GRID1: variants seen among roughly 807,000 people sequenced by gnomAD.
GRID1 encodes glutamate ionotropic receptor delta type subunit 1, also known as glutamate receptor ionotropic, delta-1.
GRID1 carries 28 observed loss-of-function variants against 98.0 expected under a neutral mutation model. The observed-to-expected ratio is 0.29, with a 90% CI of 0.21 to 0.39. The LOEUF is 0.39. Ranked by LOEUF, GRID1 falls within the 10% of genes least tolerant of loss-of-function variation. GRID1 has a pLI of 1.00. For missense variants in GRID1, 1,111 were observed against 1,340.5 expected (o/e 0.83, Z 2.67); for synonymous variants, 553 against 538.5 (o/e 1.03, Z -0.37).
chr10:86,033,061 G>C (rs944394042), intron 4 of GRID1, among the ~76,000 whole-genome samples: 1 of 151,910 alleles, frequency 6.6e-6, no homozygotes, highest in Admixed American at 6.6e-5. Context: ...AGCTTTCCAA[G>C]ATTCAAACAG....
At chr10:85,705,532 A>G (rs978755026) in intron 12 of GRID1, among the ~76,000 whole-genome samples, 1 of 152,240 alleles carries the variant, frequency 6.6e-6, no homozygotes, top group African/African-American at 2.4e-5. Flanking sequence ...CACAGGTACA[A>G]GGAGGAGCTG....
intron 3 of GRID1, among the ~76,000 whole-genome samples, chr10:86,144,923 G>C (rs958620189): frequency 2.6e-5 from 4 of 152,084 alleles, no homozygotes; most frequent in African/African-American, 9.7e-5. Flanking sequence ...TCCCTTCTCA[G>C]GTTCAGCACT....
intron 3 of GRID1, among the ~76,000 whole-genome samples, chr10:86,172,997 A>G (rs1845517123): frequency 6.6e-6 from 1 of 152,208 alleles, no homozygotes; most frequent in African/African-American, 2.4e-5. Flanking sequence ...TCACATGTAT[A>G]CATTTCAATT....
chr10:86,298,895 C>T (rs533049726), intron 2 of GRID1, among the ~76,000 whole-genome samples: 2 of 152,318 alleles, frequency 1.3e-5, no homozygotes, highest in African/African-American at 4.8e-5. Flanking sequence ...GGATCCCTGG[C>T]CTGCAATTTT....
intron 2 of GRID1, among the ~76,000 whole-genome samples, chr10:86,214,747 T>C (rs1320308434): frequency 1.3e-5 from 2 of 152,192 alleles, no homozygotes. Flanking sequence ...CCCATGCCTA[T>C]AATCCCAGCT....
intron 4 of GRID1, among the ~76,000 whole-genome samples, chr10:86,123,494 A>G (rs916899498): frequency 6.6e-6 from 1 of 152,202 alleles, no homozygotes; most frequent in Non-Finnish European, 1.5e-5. Context: ...CCCCACACCC[A>G]CACATGTCCA....
intron 2 of GRID1, among the ~76,000 whole-genome samples, chr10:86,221,417 C>T (rs1017233276): frequency 3.3e-5 from 5 of 152,168 alleles, no homozygotes; most frequent in South Asian, 2.1e-4. Context: ...TCCTCAAGCA[C>T]GCCGTGCTGG....
intron 4 of GRID1, among the ~76,000 whole-genome samples, chr10:86,130,957 C>T (rs568062146): frequency 1.3e-5 from 2 of 152,238 alleles, no homozygotes; most frequent in Admixed American, 1.3e-4. Context: ...CCGTAAGGAG[C>T]AAGCAGCCAA....
chr10:86,110,152 T>A (rs1844457415), intron 4 of GRID1, among the ~76,000 whole-genome samples: 1 of 152,106 alleles, frequency 6.6e-6, no homozygotes, highest in Non-Finnish European at 1.5e-5. Flanking sequence ...TTTTATATTT[T>A]TAGTAGAGAC....
intron 3 of GRID1, among the ~76,000 whole-genome samples, chr10:86,173,342 C>A (rs1845522479): frequency 6.6e-6 from 1 of 152,168 alleles, no homozygotes; most frequent in Admixed American, 6.5e-5. Flanking sequence ...CCTGGCCTGA[C>A]AAGAATTTTT....
chr10:85,660,693 A>G (rs1319409761), intron 12 of GRID1, among the ~76,000 whole-genome samples: 2 of 152,090 alleles, frequency 1.3e-5, no homozygotes, highest in African/African-American at 4.8e-5. Flanking sequence ...AGAGGAAACA[A>G]GGGAAGCAAC....
intron 4 of GRID1, among the ~76,000 whole-genome samples, chr10:85,992,937 A>C (rs1842699570): frequency 6.6e-6 from 1 of 152,110 alleles, no homozygotes; most frequent in Admixed American, 6.5e-5. Context: ...CTGGGTGACC[A>C]AGTGGGACCC....
chr10:86,141,865 A>T (rs1295734770), intron 3 of GRID1, among the ~76,000 whole-genome samples: 1 of 152,172 alleles, frequency 6.6e-6, no homozygotes, highest in Non-Finnish European at 1.5e-5. Flanking sequence ...GATATTCCTA[A>T]ATATGGGAGA....
At chr10:86,351,938 A>G (rs1328256008) in intron 2 of GRID1, among the ~76,000 whole-genome samples, 12 of 152,254 alleles carry the variant, frequency 7.9e-5, no homozygotes. Flanking sequence ...GTGTACAGGA[A>G]GGAACACTGA....
chr10:85,977,430 G>A (rs1272978559), intron 4 of GRID1, among the ~76,000 whole-genome samples: 1 of 152,178 alleles, frequency 6.6e-6, no homozygotes, highest in East Asian at 1.9e-4. Context: ...CTCTGATGTT[G>A]TAGAAAATAC....
Position 85,727,644 on chromosome 10 carries a change from G to A in GRID1, c.1533+211C>T, listed in dbSNP as rs1841775867. ...AGGAATGACAGCAATGGGCAGGGAG[G>A]TAACATAGAGTGTCAGAGACGAGGA... On this transcript the variant is annotated intron_variant, in intron 10 of 15. Transcript: ENST00000327946. Among the ~76,000 whole-genome samples, 4 of 152,126 alleles carry A rather than the reference G, an allele frequency of 2.6e-5. No homozygotes were observed. In the South Asian group the frequency reaches 8.3e-4, roughly 31 times the overall value.
Position 85,856,051 on chromosome 10 carries a change from G to C in GRID1, c.1091C>G (p.Ser364Cys). 1 of 1,614,044 alleles carries C rather than the reference G, an allele frequency of 6.2e-7. No individual in the cohort carries two copies. Among genetic ancestry groups the C allele is most frequent in the Non-Finnish European group, 8.5e-7 (1 of 1,180,002 alleles). Residue 364 changes from serine to cysteine, a missense_variant, in exon 7 of 16, where the codon TCC becomes TGC. Ser to Cys is a moderately radical substitution (Grantham distance 112). This residue lies in a region of GRID1 where 762 missense variants were observed against 869.1 expected (regional missense o/e 0.88). Transcript: ENST00000327946. Reference sequence around the variant, plus strand: ...TACCTTTTTGATGGTATCCAGCATGGACCTCCCACCATTCCATGGCTTAGT... The same window carrying C: ...TACCTTTTTGATGGTATCCAGCATGCACCTCCCACCATTCCATGGCTTAGT... Reference protein sequence around the residue: ...KSTKPWNGGRSMLDTIKKGHI... With the variant: ...KSTKPWNGGRCMLDTIKKGHI...
intron 2 of GRID1, among the ~76,000 whole-genome samples, chr10:86,218,109 C>G (rs1846201967): frequency 6.6e-6 from 1 of 152,154 alleles, no homozygotes; most frequent in South Asian, 2.1e-4. Context: ...TTCTCTGGCT[C>G]TCTCATTCTC....
intron 2 of GRID1, among the ~76,000 whole-genome samples, chr10:86,327,046 G>T (rs1017087846): frequency 6.6e-5 from 10 of 152,120 alleles, no homozygotes; most frequent in Admixed American, 6.5e-4. Flanking sequence ...TGAGGCAGGA[G>T]AATCACTGGA....
Sources: gnomAD v4.1 joint callset for allele counts (sites outside exome capture counted in the v4.1 genomes callset) on GRCh38, gnomAD v4.1.1 for gene constraint, gnomAD v4.1.1 regional missense constraint, MANE v1.5 for transcripts, NCBI Gene and HGNC (gene_info 2026-07-23, HGNC 2026-07-21) for gene names.